THSD4: variants seen among roughly 807,000 people sequenced by gnomAD.
THSD4 encodes thrombospondin type 1 domain containing 4.
A neutral mutation model predicts 119.0 loss-of-function variants in THSD4; 69 were observed. The ratio of observed to expected loss-of-function variants is 0.58; its 90% CI spans 0.48 to 0.71. The LOEUF (loss-of-function observed/expected upper bound fraction) is 0.71. THSD4 is among the 30% of genes least tolerant of loss of function. The pLI, the probability that THSD4 is intolerant of heterozygous loss-of-function variation, is 0.00. For synonymous variants in THSD4, 524 were observed against 540.4 expected (o/e 0.97, Z 0.42); for missense variants, 1,393 against 1,391.1 (o/e 1.00, Z -0.02).
chr15:71,679,935 T>C (rs115380630), intron 8 of THSD4, among the ~76,000 whole-genome samples: 1,709 of 152,298 alleles, frequency 0.011, 39 homozygotes, highest in African/African-American at 0.039. Context: ...TTTGACCGTG[T>C]TAGAAAACCA....
chr15:71,656,334 C>T (rs66894145), intron 7 of THSD4, among the ~76,000 whole-genome samples: 16,497 of 151,994 alleles, frequency 0.11, 958 homozygotes, highest in East Asian at 0.2. Context: ...AAACTCTCTG[C>T]GCTCATTTTA....
chr15:71,377,907 C>G lies in THSD4; in HGVS notation c.1016-33780C>G, dbSNP rs28617559. 1.6e-3 allele frequency among the ~76,000 whole-genome samples: 136 copies of G among 86,416 alleles called. 2 individuals carry two copies. The highest frequency in any genetic ancestry group is 5.9e-3 in the African/African-American group (128 of 21,788). 56.7% of individuals were successfully genotyped at this position (86,416 alleles called of 152,430 possible). On this transcript the variant is annotated intron_variant, in intron 6 of 17. Coordinates refer to ENST00000261862, the MANE Select transcript of THSD4 (RefSeq NM_024817.3). ...ACACACACACACACACACACACACA[C>G]ACACACAATTTCCTTCAGTGACTCT...
At chr15:71,279,528 T>C (rs1294545006) in intron 6 of THSD4, among the ~76,000 whole-genome samples, 1 of 152,226 alleles carries the variant, frequency 6.6e-6, no homozygotes, top group Non-Finnish European at 1.5e-5. Flanking sequence ...TTGACATCTT[T>C]GGTGGTTATC....
At chr15:71,425,356 T>C (rs567466029) in intron 7 of THSD4, among the ~76,000 whole-genome samples, 1 of 152,202 alleles carries the variant, frequency 6.6e-6, no homozygotes, top group Non-Finnish European at 1.5e-5. Flanking sequence ...AAGAGTTGTT[T>C]ATATGTGTTG....
chr15:71,317,685 G>A (rs143453512), intron 6 of THSD4, among the ~76,000 whole-genome samples: 205 of 152,040 alleles, frequency 1.3e-3, no homozygotes, highest in African/African-American at 4.7e-3. Flanking sequence ...TTTTTCACAT[G>A]ATTCCAAGGA....
At chr15:71,695,052 A>G (rs1284256293) in intron 8 of THSD4, among the ~76,000 whole-genome samples, 1 of 152,124 alleles carries the variant, frequency 6.6e-6, no homozygotes. Flanking sequence ...CCCTCTTTCC[A>G]AAACCTCCCA....
At chr15:71,241,911 A>AT (rs200485547) in intron 4 of THSD4, among the ~76,000 whole-genome samples, 1,679 of 152,192 alleles carry the variant, frequency 0.011, 10 homozygotes, top group Middle Eastern at 0.02. Context: ...TTTGCAATAT[A>AT]TTTTTTTAGC....
intron 2 of THSD4, among the ~76,000 whole-genome samples, chr15:71,152,906 G>T (rs900699175): frequency 1.3e-5 from 2 of 152,106 alleles, no homozygotes; most frequent in African/African-American, 4.8e-5. Context: ...TTTCTAGGAG[G>T]GGGGTCACCT....
At chr15:71,291,302 A>G (rs2044788547) in intron 6 of THSD4, among the ~76,000 whole-genome samples, 1 of 152,220 alleles carries the variant, frequency 6.6e-6, no homozygotes, top group South Asian at 2.1e-4. Flanking sequence ...GAGAAACAAA[A>G]CCAATAGTAT....
In THSD4 at chr15:71,746,917, G is replaced by T. The variant is rs116091226; in HGVS notation, c.2116G>T (p.Val706Leu). The change falls in exon 13 of 18, where the codon GTG (valine) becomes TTG (leucine). Residue 706 changes from valine to leucine, a missense_variant. Coordinates refer to ENST00000261862, the MANE Select transcript of THSD4 (RefSeq NM_024817.3). ...GCACCGCCAGGTTCTGTGCCGCCAGGTGTACGCCAACCGCAGCCTGACGGT... is the reference window on the plus strand; with the variant it reads ...GCACCGCCAGGTTCTGTGCCGCCAGTTGTACGCCAACCGCAGCCTGACGGT... ...MQHRQVLCRQ[V>L]YANRSLTVQP... 1 of 1,614,016 alleles carries T rather than the reference G, an allele frequency of 6.2e-7. No homozygotes were observed. Among genetic ancestry groups the T allele is most frequent in the South Asian group, 1.1e-5 (1 of 91,080 alleles).
chr15:71,461,784 A>G (rs1595790732), intron 7 of THSD4, among the ~76,000 whole-genome samples: 1 of 148,380 alleles, frequency 6.7e-6, no homozygotes, highest in South Asian at 2.2e-4. Context: ...ACATATGGGC[A>G]CTGTCAGGTT....
intron 6 of THSD4, among the ~76,000 whole-genome samples, chr15:71,355,557 T>G (rs1190527991): frequency 6.6e-6 from 1 of 152,140 alleles, no homozygotes; most frequent in Non-Finnish European, 1.5e-5. Context: ...TATTGGATTG[T>G]GTGTTGTTCA....
At chr15:71,540,628 C>T (rs2048746733) in intron 7 of THSD4, among the ~76,000 whole-genome samples, 1 of 140,456 alleles carries the variant, frequency 7.1e-6, no homozygotes, top group Non-Finnish European at 1.5e-5. Flanking sequence ...GGGGTTTCAC[C>T]ATGTTGGTCA....
At chr15:71,409,320 T>G (rs1464093447) in intron 6 of THSD4, among the ~76,000 whole-genome samples, 1 of 152,140 alleles carries the variant, frequency 6.6e-6, no homozygotes, top group Non-Finnish European at 1.5e-5. Flanking sequence ...CACAAACACT[T>G]GGATTACTTA....
chr15:71,599,465 C>T (rs2049967155), intron 7 of THSD4, among the ~76,000 whole-genome samples: 1 of 152,142 alleles, frequency 6.6e-6, no homozygotes, highest in African/African-American at 2.4e-5. Flanking sequence ...TCTCTTCACT[C>T]CTAGATTTAA....
intron 6 of THSD4, among the ~76,000 whole-genome samples, chr15:71,383,815 T>C (rs2046258175): frequency 6.6e-6 from 1 of 152,148 alleles, no homozygotes; most frequent in African/African-American, 2.4e-5. Flanking sequence ...ACATTCACAT[T>C]GTGTTAGGTA....
At chr15:71,776,982 G>C (rs13380217) in intron 17 of THSD4, among the ~76,000 whole-genome samples, 4,434 of 152,290 alleles carry the variant, frequency 0.029, 224 homozygotes, top group African/African-American at 0.1. Flanking sequence ...CTGGAGTGAT[G>C]AGGATGAAGG....
intron 3 of THSD4, chr15:71,165,529 G>A (rs2043287230): frequency 5.3e-6 from 4 of 756,926 alleles, no homozygotes; most frequent in African/African-American, 3.5e-5. Flanking sequence ...AGTCATTTTT[G>A]TAATTTTATG....
chr15:71,577,091 CA>C (rs33941509), intron 7 of THSD4, among the ~76,000 whole-genome samples: 4,639 of 142,448 alleles, frequency 0.033, 209 homozygotes, highest in African/African-American at 0.11. Context: ...ATTGTCCTAA[CA>C]AAAAAAAAAA....
Sources: gnomAD v4.1 joint callset for allele counts (sites outside exome capture counted in the v4.1 genomes callset) on GRCh38, gnomAD v4.1.1 for gene constraint, MANE v1.5 for transcripts, NCBI Gene and HGNC (gene_info 2026-07-23, HGNC 2026-07-21) for gene names.